NLGN1: variants seen among roughly 807,000 people sequenced by gnomAD.
NLGN1 encodes neuroligin 1, also known as neuroligin-1.
A neutral mutation model predicts 65.5 loss-of-function variants in NLGN1; 12 were observed. That is an observed-to-expected ratio of 0.18 (90% CI 0.12 to 0.30). The LOEUF is 0.30. Ranked by LOEUF, NLGN1 falls within the 10% of genes least tolerant of loss-of-function variation. NLGN1 has a pLI of 1.00. For missense variants in NLGN1, 750 were observed against 1,007.1 expected, an observed-to-expected ratio of 0.74 and a Z score of 3.46; for synonymous variants, 350 against 359.5, an observed-to-expected ratio of 0.97 and a Z score of 0.30.
chr3:173,559,981 T>C (rs2149292671), intron 2 of NLGN1, among the ~76,000 whole-genome samples: 1 of 147,298 alleles, frequency 6.8e-6, no homozygotes, highest in Non-Finnish European at 1.5e-5. Context: ...TCTCGCTCTG[T>C]CGCCCAGGCT....
At chr3:173,481,751 AAAAC>A (rs1261425794) in intron 2 of NLGN1, among the ~76,000 whole-genome samples, 2 of 151,852 alleles carry the variant, frequency 1.3e-5, no homozygotes, top group African/African-American at 4.8e-5. Context: ...GGCTTTTTAA[AAAAC>A]AAACAAATTG....
At chr3:173,509,340 T>G (rs938213012) in intron 2 of NLGN1, among the ~76,000 whole-genome samples, 1 of 152,216 alleles carries the variant, frequency 6.6e-6, no homozygotes, top group African/African-American at 2.4e-5. Flanking sequence ...TTTCCATATA[T>G]AGTTCCCATT....
exon 7 of NLGN1, chr3:174,286,245 C>G (rs1752100797): frequency 6.6e-6 from 1 of 151,372 alleles, no homozygotes; most frequent in South Asian, 2.1e-4. Flanking sequence ...GTATAACTAC[C>G]TACATATGTA....
chr3:174,043,815 T>C (rs1428330523), intron 4 of NLGN1, among the ~76,000 whole-genome samples: 3 of 152,226 alleles, frequency 2.0e-5, no homozygotes, highest in South Asian at 2.1e-4. Flanking sequence ...CAGTAGGCAG[T>C]GTCCCCAGTG....
intron 3 of NLGN1, among the ~76,000 whole-genome samples, chr3:173,702,098 G>A (rs1767265246): frequency 6.6e-6 from 1 of 150,832 alleles, no homozygotes; most frequent in South Asian, 2.1e-4. Context: ...AATTAGCTGG[G>A]CGTAGTGGCG....
intron 4 of NLGN1, among the ~76,000 whole-genome samples, chr3:173,826,179 G>A (rs1721299336): frequency 6.6e-6 from 1 of 151,926 alleles, no homozygotes; most frequent in African/African-American, 2.4e-5. Context: ...ACTACTTCTG[G>A]CACACTCAGT....
At chr3:173,979,314 G>A (rs114046654) in intron 4 of NLGN1, among the ~76,000 whole-genome samples, 3,184 of 152,132 alleles carry the variant, frequency 0.021, 55 homozygotes, top group Non-Finnish European at 0.032. Flanking sequence ...AAACACCTGG[G>A]CATGTTAAAG....
intron 4 of NLGN1, among the ~76,000 whole-genome samples, chr3:173,874,260 C>T (rs914422522): frequency 2.0e-5 from 3 of 152,136 alleles, no homozygotes; most frequent in African/African-American, 7.2e-5. Flanking sequence ...TCAGCTATTC[C>T]CCTTTAGCTG....
intron 3 of NLGN1, among the ~76,000 whole-genome samples, chr3:173,706,496 G>T (rs1269518206): frequency 1.3e-5 from 2 of 152,156 alleles, no homozygotes; most frequent in Non-Finnish European, 2.9e-5. Flanking sequence ...TGCTTAGGTA[G>T]ATATTTTATA....
Position 173,901,446 on chromosome 3 carries a change from C to T in NLGN1, c.646+93614C>T, listed in dbSNP as rs148494750. Among the ~76,000 whole-genome samples the T allele has an allele frequency of 6.0e-5, 9 of 150,788 alleles. No individual in the cohort carries two copies. The East Asian group carries it at 7.9e-4, about 13-fold the overall frequency. ...ATTAGATTTGGATAATATAAAATTA[C>T]ACTTAAATCTGTTTACAATCTCATT... On this transcript the variant is annotated intron_variant, in intron 4 of 6. Coordinates refer to ENST00000457714, the Ensembl canonical transcript of NLGN1.
chr3:173,464,929 G>A (rs1724075899), intron 2 of NLGN1, among the ~76,000 whole-genome samples: 1 of 151,746 alleles, frequency 6.6e-6, no homozygotes, highest in Non-Finnish European at 1.5e-5. Context: ...CCTATAGACA[G>A]TGGAATATTG....
intron 2 of NLGN1, among the ~76,000 whole-genome samples, chr3:173,479,461 A>G (rs777951970): frequency 3.1e-4 from 47 of 152,178 alleles, no homozygotes; most frequent in Non-Finnish European, 6.3e-4. Flanking sequence ...AGTTATCACA[A>G]TCGTGAAATC....
chr3:173,788,278 A>G (rs899606925), intron 3 of NLGN1, among the ~76,000 whole-genome samples: 14 of 151,286 alleles, frequency 9.3e-5, no homozygotes, highest in Middle Eastern at 3.2e-3. Flanking sequence ...TCAAATATAT[A>G]GTGACTAAAT....
chr3:173,627,218 C>A (rs939493658), intron 3 of NLGN1, among the ~76,000 whole-genome samples: 4 of 152,070 alleles, frequency 2.6e-5, no homozygotes, highest in African/African-American at 9.7e-5. Context: ...TCCTCCCACT[C>A]CTCAGCCCAT....
At chr3:173,424,222 G>A (rs1265565495) in intron 1 of NLGN1, among the ~76,000 whole-genome samples, 1 of 152,186 alleles carries the variant, frequency 6.6e-6, no homozygotes, top group Non-Finnish European at 1.5e-5. Flanking sequence ...GGCCTGTGAA[G>A]CCATTTTTCC....
chr3:174,140,788 G>A (rs1577066705), intron 4 of NLGN1, among the ~76,000 whole-genome samples: 2 of 152,120 alleles, frequency 1.3e-5, no homozygotes, highest in Admixed American at 1.3e-4. Flanking sequence ...TGAAGAAGGA[G>A]CTGGGTGAAA....
chr3:174,251,460 T>C (rs181042052), intron 4 of NLGN1, among the ~76,000 whole-genome samples: 1 of 152,280 alleles, frequency 6.6e-6, no homozygotes, highest in African/African-American at 2.4e-5. Flanking sequence ...CATTACAATC[T>C]CCTCAACCAG....
intron 4 of NLGN1, among the ~76,000 whole-genome samples, chr3:174,166,019 T>G (rs116216658): frequency 1.3e-3 from 203 of 152,210 alleles, no homozygotes; most frequent in African/African-American, 4.8e-3. Flanking sequence ...ATCTTTTGTA[T>G]TTCTGTGAGA....
At chr3:173,781,452 G>T (rs1354735871) in intron 3 of NLGN1, among the ~76,000 whole-genome samples, 1 of 152,092 alleles carries the variant, frequency 6.6e-6, no homozygotes, top group Non-Finnish European at 1.5e-5. Flanking sequence ...TAAAAAAATT[G>T]AATTTGTTCA....
Sources: gnomAD v4.1 joint callset for allele counts (sites outside exome capture counted in the v4.1 genomes callset) on GRCh38, gnomAD v4.1.1 for gene constraint, MANE v1.5 for transcripts, NCBI Gene and HGNC (gene_info 2026-07-23, HGNC 2026-07-21) for gene names.